Variants in ARSG observed in about 807,000 individuals in gnomAD.
The protein encoded by ARSG is ASG.
ARSG carries 37 observed loss-of-function variants against 50.5 expected under a neutral mutation model. The ratio of observed to expected loss-of-function variants is 0.73; its 90% CI spans 0.56 to 0.96. ARSG has a LOEUF of 0.96. Among genes scored for constraint, ARSG ranks in the 50% least tolerant of loss-of-function variants. The pLI is 0.00. For synonymous variants in ARSG, 225 were observed against 254.6 expected (o/e 0.88, Z 1.11); for missense variants, 629 against 675.3 (o/e 0.93, Z 0.76).
intron 11 of ARSG, among the ~76,000 whole-genome samples, chr17:68,417,471 G>A (rs554842141): frequency 5.9e-5 from 9 of 152,158 alleles, no homozygotes; most frequent in East Asian, 1.9e-4. Flanking sequence ...TGGGTGCCGC[G>A]GTGGGGGGTG....
intron 2 of ARSG, among the ~76,000 whole-genome samples, chr17:68,330,253 G>A (rs2077672034): frequency 6.6e-6 from 1 of 151,984 alleles, no homozygotes; most frequent in Non-Finnish European, 1.5e-5. Flanking sequence ...GACTTTGGAT[G>A]CACCATGGAA....
chr17:68,272,599 C>G, intron 1 of ARSG: 1 of 1,602,940 alleles, frequency 6.2e-7, no homozygotes, highest in South Asian at 1.1e-5. Flanking sequence ...AGTGACGTCT[C>G]TCATCCACAT....
chr17:68,430,981 T>C, the ARSG span, among the ~76,000 whole-genome samples: 5 of 152,174 alleles, frequency 3.3e-5, no homozygotes, highest in African/African-American at 1.2e-4. Flanking sequence ...GACAAACCTC[T>C]CTGGGCCTTC....
At chr17:68,432,217 G>C in the ARSG span, among the ~76,000 whole-genome samples, 4 of 152,146 alleles carry the variant, frequency 2.6e-5, no homozygotes, top group African/African-American at 9.7e-5. Context: ...CACTGGGGGT[G>C]GGGGGAGACA....
chr17:68,308,168 T>G (rs575546318), intron 2 of ARSG, among the ~76,000 whole-genome samples: 1 of 152,036 alleles, frequency 6.6e-6, no homozygotes, highest in East Asian at 1.9e-4. Flanking sequence ...TAGCTAGCGG[T>G]GGTGGCACGC....
chr17:68,343,168 T>G (rs2078347006), intron 2 of ARSG, among the ~76,000 whole-genome samples: 1 of 152,188 alleles, frequency 6.6e-6, no homozygotes, highest in Admixed American at 6.5e-5. Context: ...TTTTGTTTTC[T>G]TTTTTGAGAT....
intron 4 of ARSG, among the ~76,000 whole-genome samples, chr17:68,347,685 G>A (rs949098029): frequency 6.6e-6 from 1 of 152,266 alleles, no homozygotes; most frequent in African/African-American, 2.4e-5. Flanking sequence ...GCTGAAGGGC[G>A]GATTCTCCAA....
intron 11 of ARSG, among the ~76,000 whole-genome samples, chr17:68,404,172 TG>T (rs2081603944): frequency 6.6e-6 from 1 of 152,208 alleles, no homozygotes; most frequent in Non-Finnish European, 1.5e-5. Flanking sequence ...TAAACATACG[TG>T]TGCATGTGTC....
At chr17:68,262,209 C>T (rs527730826) in intron 1 of ARSG, among the ~76,000 whole-genome samples, 2 of 151,758 alleles carry the variant, frequency 1.3e-5, no homozygotes, top group East Asian at 1.9e-4. Context: ...TAGTGGCTCA[C>T]GCCTGAATTC....
chr17:68,383,682 G>A (rs1455231570), intron 8 of ARSG, among the ~76,000 whole-genome samples: 1 of 152,200 alleles, frequency 6.6e-6, no homozygotes, highest in Non-Finnish European at 1.5e-5. Flanking sequence ...GTGGAAATGC[G>A]TTTTATGCTT....
chr17:68,450,691 C>G, the ARSG span: 6 of 1,571,736 alleles, frequency 3.8e-6, no homozygotes, highest in African/African-American at 8.2e-5. Flanking sequence ...CTCCCGTTAG[C>G]AGAAGCTTTG....
the ARSG span, among the ~76,000 whole-genome samples, chr17:68,432,568 C>T: frequency 6.6e-6 from 1 of 152,034 alleles, no homozygotes; most frequent in African/African-American, 2.4e-5. Context: ...GGTGCCCGGC[C>T]TCTGTCATGT....
intron 2 of ARSG, among the ~76,000 whole-genome samples, chr17:68,312,313 T>G (rs1318609061): frequency 6.6e-6 from 1 of 152,210 alleles, no homozygotes; most frequent in Non-Finnish European, 1.5e-5. Flanking sequence ...GAGCTCAAGA[T>G]GCCCTGGAAT....
At chr17:68,397,171 C>T (rs2081283879) in intron 10 of ARSG, among the ~76,000 whole-genome samples, 1 of 152,188 alleles carries the variant, frequency 6.6e-6, no homozygotes, top group Non-Finnish European at 1.5e-5. Flanking sequence ...CCCATCCTAA[C>T]TAGTGCCCAG....
intron 11 of ARSG, among the ~76,000 whole-genome samples, chr17:68,406,292 A>G (rs2081714916): frequency 6.6e-6 from 1 of 152,164 alleles, no homozygotes; most frequent in Non-Finnish European, 1.5e-5. Flanking sequence ...TCATTGATTG[A>G]TGGACATTTG....
At chr17:68,268,656 A>T (rs1434569062) in intron 1 of ARSG, 1 of 152,450 alleles carries the variant, frequency 6.6e-6, no homozygotes, top group Admixed American at 6.5e-5. Flanking sequence ...CCTGGGTTGG[A>T]TGTTGTTTTA....
intron 11 of ARSG, among the ~76,000 whole-genome samples, chr17:68,402,674 G>A (rs1280493339): frequency 5.3e-5 from 8 of 151,878 alleles, no homozygotes; most frequent in African/African-American, 1.5e-4. Flanking sequence ...ACAGGTGCCC[G>A]CCACCTCGCC....
At chr17:68,370,960 G>A (rs913894628) in intron 8 of ARSG, among the ~76,000 whole-genome samples, 1 of 135,474 alleles carries the variant, frequency 7.4e-6, no homozygotes, top group Non-Finnish European at 1.7e-5. Flanking sequence ...GGTTTTTAAT[G>A]TACATTGTCT....
chr17:68,450,969 T>C, the ARSG span: 1 of 1,539,006 alleles, frequency 6.5e-7, no homozygotes, highest in Middle Eastern at 2.4e-4. Context: ...TCCATGACAC[T>C]GGGCCCGGCG....
Sources: gnomAD v4.1 joint callset for allele counts (sites outside exome capture counted in the v4.1 genomes callset) on GRCh38, gnomAD v4.1.1 for gene constraint, MANE v1.5 for transcripts, NCBI Gene and HGNC (gene_info 2026-07-23, HGNC 2026-07-21) for gene names.